SUSD6: variants seen among roughly 807,000 people sequenced by gnomAD.
The protein encoded by SUSD6 is sushi domain containing 6, also known as sushi domain-containing protein 6.
In SUSD6, 16 loss-of-function variants were observed where a neutral mutation model predicts 28.4. The ratio of observed to expected loss-of-function variants is 0.56; its 90% CI spans 0.38 to 0.86. SUSD6 has a LOEUF of 0.86. Ranked by LOEUF, SUSD6 falls within the 40% of genes least tolerant of loss-of-function variation. SUSD6 has a pLI of 0.00. For synonymous variants in SUSD6, 147 were observed against 159.6 expected (o/e 0.92, Z 0.59); for missense variants, 341 against 384.2 (o/e 0.89, Z 0.94).
At chr14:69,633,425 G>C (rs3784145) in intron 1 of SUSD6, among the ~76,000 whole-genome samples, 151,587 of 152,376 alleles carry the variant, frequency 0.99, 75,402 homozygotes, top group Middle Eastern at 1. Context: ...CCTGCCACCC[G>C]CTATCTAGCA....
chr14:69,704,627 G>C lies in SUSD6; in HGVS notation c.343G>C (p.Gly115Arg). 6.2e-7 allele frequency: 1 copy of C among 1,613,766 alleles called. No individual in the cohort carries two copies. The highest frequency in any genetic ancestry group is 2.2e-5 in the East Asian group (1 of 44,874). Residue 115 changes from glycine (G) to arginine (R), a missense_variant, in exon 4 of 6, where the codon GGG becomes CGG. Transcript: ENST00000342745. ...AGATAAAGACACCCACACATCACTT[G>C]GGGTCCCCACGCTGTCTATAGTGGC... is the stretch of plus-strand genomic sequence containing the variant. The part of the protein sequence containing the change: ...NEDKDTHTSL[G>R]VPTLSIVAST...
Position 69,693,282 on chromosome 14 carries a change from G to A in SUSD6, c.122-10113G>A, listed in dbSNP as rs116524571. On this transcript the variant is annotated intron_variant, in intron 2 of 5. Coordinates refer to ENST00000342745, the MANE Select transcript of SUSD6 (RefSeq NM_014734.4). Reference sequence around the variant, plus strand: ...CCTCCTTGTAGCAGTGGTAACAGTGGGAGGGGGAGGGGTTCCCAGCCCCAG... The same window carrying A: ...CCTCCTTGTAGCAGTGGTAACAGTGAGAGGGGGAGGGGTTCCCAGCCCCAG... 8.4e-3 allele frequency among the ~76,000 whole-genome samples: 1,282 copies of A among 152,224 alleles called. 13 individuals carry two copies. Among genetic ancestry groups the A allele is most frequent in the African/African-American group, 0.029 (1,218 of 41,526 alleles).
chr14:69,645,895 G>GT (rs1885419373), intron 1 of SUSD6, among the ~76,000 whole-genome samples: 1 of 151,966 alleles, frequency 6.6e-6, no homozygotes, highest in Non-Finnish European at 1.5e-5. Flanking sequence ...GACTACAGGT[G>GT]TGCACCACCA....
At position 69,712,576 on chromosome 14, in the gene SUSD6, A is replaced by C. The variant is rs1219029821; in HGVS notation, c.*1597A>C. ...GTCTGCTTGGGGGTGGTAAAAATAAAAATCCCAGTTTATTTTCAGTACCTT... is the reference window on the plus strand; with the variant it reads ...GTCTGCTTGGGGGTGGTAAAAATAACAATCCCAGTTTATTTTCAGTACCTT... On this transcript the variant is annotated 3_prime_UTR_variant, in exon 6 of 6. Transcript: ENST00000342745. 6.6e-6 allele frequency: 1 copy of C among 152,110 alleles called. No homozygotes were observed. Among genetic ancestry groups the C allele is most frequent in the Non-Finnish European group, 1.5e-5 (1 of 68,062 alleles). 9.4% of individuals were successfully genotyped at this position (152,110 alleles called of 1,614,324 possible).
In SUSD6 at chr14:69,711,321, T is replaced by C. The variant is rs1594726868; in HGVS notation, c.*342T>C. 1 of 381,772 alleles carries C rather than the reference T, an allele frequency of 2.6e-6. No individual in the cohort carries two copies. Among genetic ancestry groups the C allele is most frequent in the Non-Finnish European group, 4.9e-6 (1 of 205,694 alleles). 23.6% of individuals were successfully genotyped at this position (381,772 alleles called of 1,614,324 possible). Reference sequence around the variant, plus strand: ...TTTGGCGGCAGCCCCCACCAGCTCCTGTGGGCCTGAGTGCTGCTGTGTTTA... The same window carrying C: ...TTTGGCGGCAGCCCCCACCAGCTCCCGTGGGCCTGAGTGCTGCTGTGTTTA... On this transcript the variant is annotated 3_prime_UTR_variant, in exon 6 of 6. Coordinates refer to ENST00000342745, the MANE Select transcript of SUSD6 (RefSeq NM_014734.4).
At chr14:69,697,282 TA>T (rs1886240129) in intron 2 of SUSD6, among the ~76,000 whole-genome samples, 1 of 152,184 alleles carries the variant, frequency 6.6e-6, no homozygotes, top group African/African-American at 2.4e-5. Context: ...CAACCTGTTT[TA>T]TTGGTGTGGT....
chr14:69,687,407 G>A (rs751104360), intron 2 of SUSD6, among the ~76,000 whole-genome samples: 13 of 152,174 alleles, frequency 8.5e-5, no homozygotes, highest in Non-Finnish European at 1.0e-4. Context: ...CACTGTGCCC[G>A]GCCTAGCTTA....
rs1207974648 is a variant in SUSD6, at chr14:69,713,858, C to T, written c.*2879C>T. On this transcript the variant is annotated 3_prime_UTR_variant, in exon 6 of 6. Transcript: ENST00000342745. ...TTTGTTTTTTTTTTTTTTTTTTTGG[C>T]ACACTTGAGCTGACTCAGTGCAGGT... The T allele has an allele frequency of 1.6e-5, 2 of 123,376 alleles. No homozygotes were observed. Among genetic ancestry groups the T allele is most frequent in the African/African-American group, 3.3e-5 (1 of 30,456 alleles). The allele number at this position is 123,376 out of a possible 1,614,324, so 7.6% of individuals were successfully genotyped here. A position where few individuals can be genotyped will look rare whatever the true frequency, so the allele number is the denominator to read the frequency against.
intron 1 of SUSD6, among the ~76,000 whole-genome samples, chr14:69,635,994 G>T (rs999115517): frequency 2.0e-5 from 3 of 152,244 alleles, no homozygotes; most frequent in African/African-American, 7.2e-5. Flanking sequence ...GATGAATTTA[G>T]TAAGTTGGTT....
At chr14:69,686,596 A>G (rs1886077664) in intron 2 of SUSD6, among the ~76,000 whole-genome samples, 1 of 152,256 alleles carries the variant, frequency 6.6e-6, no homozygotes, top group African/African-American at 2.4e-5. Flanking sequence ...CAGGTGGCCA[A>G]GAAAGCCTCC....
chr14:69,639,220 C>T (rs993907363), intron 1 of SUSD6, among the ~76,000 whole-genome samples: 8 of 130,850 alleles, frequency 6.1e-5, no homozygotes, highest in Non-Finnish European at 9.4e-5. Flanking sequence ...CCCAGCTACT[C>T]GGGAGGCTGA....
intron 1 of SUSD6, among the ~76,000 whole-genome samples, chr14:69,624,588 G>A (rs1045253217): frequency 6.6e-6 from 1 of 151,984 alleles, no homozygotes; most frequent in African/African-American, 2.4e-5. Flanking sequence ...AAGTAGCTGG[G>A]CTTACAGGCA....
At chr14:69,683,820 C>T (rs775634038) in intron 2 of SUSD6, among the ~76,000 whole-genome samples, 1 of 152,206 alleles carries the variant, frequency 6.6e-6, no homozygotes, top group Non-Finnish European at 1.5e-5. Context: ...AGTATGCCTC[C>T]AGGTGGGCTG....
intron 5 of SUSD6, 45 bp from the exon 6 acceptor site, chr14:69,710,909 T>C: frequency 6.2e-7 from 1 of 1,605,904 alleles, no homozygotes; most frequent in Non-Finnish European, 8.5e-7. Flanking sequence ...GCTCTAGAGT[T>C]CCACACAAGG....
intron 2 of SUSD6, among the ~76,000 whole-genome samples, chr14:69,699,635 T>C (rs1168584086): frequency 6.6e-6 from 1 of 152,064 alleles, no homozygotes; most frequent in Non-Finnish European, 1.5e-5. Flanking sequence ...TTCTTTTCTA[T>C]GACCTTCATA....
At position 69,713,020 on chromosome 14, in the gene SUSD6, G is replaced by GGGGGA. The variant is rs1162032898; in HGVS notation, c.*2046_*2050dup. The GGGGGA allele has an allele frequency of 6.6e-6, 1 of 152,280 alleles. No homozygotes were observed. Among genetic ancestry groups the GGGGGA allele is most frequent in the East Asian group, 1.9e-4 (1 of 5,200 alleles). The allele number at this position is 152,280 out of a possible 1,614,324, so 9.4% of individuals were successfully genotyped here. On this transcript the variant is annotated 3_prime_UTR_variant, in exon 6 of 6. Coordinates refer to ENST00000342745, the MANE Select transcript of SUSD6 (RefSeq NM_014734.4). ...TCCAAAACAGAAAGCAGTGACAAAA[G>GGGGGA]GGGGAGGGGTGGTAATCTGAAGTCT...
chr14:69,653,383 A>G (rs1457761641), intron 1 of SUSD6, among the ~76,000 whole-genome samples: 1 of 152,240 alleles, frequency 6.6e-6, no homozygotes, highest in Non-Finnish European at 1.5e-5. Flanking sequence ...GATGGATTAC[A>G]GCAAGAGAAG....
At chr14:69,635,796 A>G (rs1885257447) in intron 1 of SUSD6, among the ~76,000 whole-genome samples, 3 of 152,192 alleles carry the variant, frequency 2.0e-5, no homozygotes, top group Admixed American at 6.5e-5. Context: ...TGGCCTTTAT[A>G]TCCATGTCTA....
intron 2 of SUSD6, among the ~76,000 whole-genome samples, chr14:69,667,621 G>A (rs1885764113): frequency 6.6e-6 from 1 of 151,318 alleles, no homozygotes; most frequent in African/African-American, 2.4e-5. Context: ...CTGACCTTGT[G>A]ATCCGCCCGC....
Sources: allele counts gnomAD v4.1 joint callset (sites outside exome capture counted in the v4.1 genomes callset), GRCh38; gene constraint gnomAD v4.1.1; transcripts MANE v1.5; gene names NCBI Gene and HGNC (gene_info 2026-07-23, HGNC 2026-07-21).